Variants in KIAA0232 observed in about 807,000 individuals in gnomAD.
The protein encoded by KIAA0232 is KIAA0232, also known as uncharacterized protein KIAA0232.
Under a neutral mutation model 122.0 loss-of-function variants are expected in KIAA0232, and 27 were observed. The ratio of observed to expected loss-of-function variants is 0.22; its 90% CI spans 0.16 to 0.31. KIAA0232 has a LOEUF of 0.31. KIAA0232 is among the 10% of genes least tolerant of loss of function. The probability of loss-of-function intolerance (pLI) is 1.00; values close to 1 mark genes in which losing one functional copy is unlikely to be tolerated. For missense variants in KIAA0232, 1,551 were observed against 1,634.2 expected (o/e 0.95, Z 0.88); for synonymous variants, 613 against 587.6 (o/e 1.04, Z -0.63).
At chr4:6,870,776 TGGGTGACA>T (rs970427172) in intron 7 of KIAA0232, among the ~76,000 whole-genome samples, 2 of 149,074 alleles carry the variant, frequency 1.3e-5, no homozygotes, top group Admixed American at 6.7e-5. Flanking sequence ...CACTCCAGCC[TGGGTGACA>T]GAGTGAGACT....
rs1193722413 is a variant in KIAA0232 at position 6,880,753 on chromosome 4, C to A, written c.4009-34C>A. ...CTCACCCTTTTGGGGAAAAAAAAGTCTTTTTGATGTGTTGAAAATTGTTTT... is the reference window on the plus strand; with the variant it reads ...CTCACCCTTTTGGGGAAAAAAAAGTATTTTTGATGTGTTGAAAATTGTTTT... On this transcript the variant is annotated intron_variant, in intron 9 of 9. Transcript: ENST00000307659. 2.1e-6 allele frequency: 3 copies of A among 1,447,406 alleles called. No homozygotes were observed. The African/African-American group carries it at 4.3e-5, about 21-fold the overall frequency. 89.7% of individuals were successfully genotyped at this position (1,447,406 alleles called of 1,614,324 possible).
chr4:6,880,145 T>G (rs1194618817), intron 9 of KIAA0232, among the ~76,000 whole-genome samples: 1 of 44,842 alleles, frequency 2.2e-5, no homozygotes, highest in Admixed American at 1.6e-4. Context: ...CCTCACCATC[T>G]GTACTGTGTC....
chr4:6,810,653 T>G (rs1252603545), intron 2 of KIAA0232, among the ~76,000 whole-genome samples: 10 of 152,150 alleles, frequency 6.6e-5, no homozygotes, highest in Non-Finnish European at 8.8e-5. Flanking sequence ...GCCTGTAGAA[T>G]GAGAGAAAAT....
At position 6,880,940 on chromosome 4, in the gene KIAA0232, G is replaced by C; in HGVS notation, c.4162G>C (p.Glu1388Gln). The C allele has an allele frequency of 6.4e-7, 1 of 1,571,116 alleles. No homozygotes were observed. The highest frequency in any genetic ancestry group is 8.6e-7 in the Non-Finnish European group (1 of 1,157,904). The change falls in exon 10 of 10, where the codon GAG becomes CAG. Residue 1388 changes from glutamate to glutamine, a missense_variant. By Grantham distance (29) the Glu-to-Gln change is conservative. Coordinates refer to ENST00000307659, the MANE Select transcript of KIAA0232 (RefSeq NM_014743.3). Reference sequence around the variant, plus strand: ...CGAGTGGGTGGGCCCTAGTGAAGAGGAGCTCTTTTCTCGAACTCATCTCTA... The same window carrying C: ...CGAGTGGGTGGGCCCTAGTGAAGAGCAGCTCTTTTCTCGAACTCATCTCTA... ...GGEWVGPSEEELFSRTHL is the reference protein window; with the variant it reads ...GGEWVGPSEEQLFSRTHL
In KIAA0232 at chr4:6,862,155, G is replaced by C; in HGVS notation, c.1773G>C (p.Trp591Cys). ...ACCTTGGCAATCTGGCTCAGTTTTG[G>C]GAGTGCTGTTCATCCAGCTCCGGTG... ...LQDLGNLAQFWECCSSSSGDA... is the reference protein window; with the variant it reads ...LQDLGNLAQFCECCSSSSGDA... The change falls in exon 7 of 10, where the codon TGG (tryptophan) becomes TGC (cysteine). Residue 591 changes from tryptophan (W) to cysteine (C), a missense_variant. By Grantham distance (215) the Trp-to-Cys change is radical. Coordinates refer to ENST00000307659, the MANE Select transcript of KIAA0232 (RefSeq NM_014743.3). 1.2e-6 allele frequency: 2 copies of C among 1,614,122 alleles called. No individual in the cohort carries two copies. The highest frequency in any genetic ancestry group is 1.7e-6 in the Non-Finnish European group (2 of 1,180,016).
intron 4 of KIAA0232, among the ~76,000 whole-genome samples, chr4:6,854,861 T>C (rs1382320695): frequency 6.6e-6 from 1 of 152,206 alleles, no homozygotes; most frequent in East Asian, 1.9e-4. Flanking sequence ...TTGAATGGCC[T>C]TATGGATATG....
chr4:6,844,655 C>G (rs1301468212), intron 4 of KIAA0232, among the ~76,000 whole-genome samples: 1 of 152,048 alleles, frequency 6.6e-6, no homozygotes, highest in Non-Finnish European at 1.5e-5. Flanking sequence ...AGGCTGGTCT[C>G]AAACTCCTGA....
At chr4:6,819,739 C>T (rs1023001871) in intron 2 of KIAA0232, among the ~76,000 whole-genome samples, 1 of 152,152 alleles carries the variant, frequency 6.6e-6, no homozygotes, top group Non-Finnish European at 1.5e-5. Flanking sequence ...ACCCAGCAAT[C>T]CCATTACTAG....
At chr4:6,865,741 G>A (rs538654857) in intron 7 of KIAA0232, among the ~76,000 whole-genome samples, 44 of 152,276 alleles carry the variant, frequency 2.9e-4, no homozygotes, top group African/African-American at 7.9e-4. Context: ...CATACCATGA[G>A]ACTTATTTCA....
At chr4:6,830,656 C>A (rs1379471978) in intron 3 of KIAA0232, among the ~76,000 whole-genome samples, 1 of 152,110 alleles carries the variant, frequency 6.6e-6, no homozygotes, top group African/African-American at 2.4e-5. Flanking sequence ...ATCCACCCAC[C>A]TTGGCCTCCC....
At chr4:6,875,053 T>TG (rs1721679183) in intron 8 of KIAA0232, among the ~76,000 whole-genome samples, 1 of 151,990 alleles carries the variant, frequency 6.6e-6, no homozygotes, top group Admixed American at 6.5e-5. Context: ...CCATATGGAG[T>TG]GGGCCATGGA....
chr4:6,827,070 A>C (rs1718726740), intron 3 of KIAA0232, among the ~76,000 whole-genome samples: 1 of 152,230 alleles, frequency 6.6e-6, no homozygotes, highest in Non-Finnish European at 1.5e-5. Flanking sequence ...TGGAGTTACA[A>C]GGAGAATCCG....
At chr4:6,808,877 T>C (rs1717753249) in intron 2 of KIAA0232, among the ~76,000 whole-genome samples, 1 of 152,242 alleles carries the variant, frequency 6.6e-6, no homozygotes, top group African/African-American at 2.4e-5. Flanking sequence ...AGCATTCTAC[T>C]AAATGGTACA....
In KIAA0232 at chr4:6,862,955, A is replaced by T. The variant is rs1393950682; in HGVS notation, c.2573A>T (p.Tyr858Phe). ...AELFSADVNNYCCCLDAEAEL... is the reference protein window; with the variant it reads ...AELFSADVNNFCCCLDAEAEL... ...TTGTTTTCGGCAGATGTAAATAACT[A>T]CTGCTGCTGTCTAGATGCTGAAGCT... Residue 858 changes from tyrosine to phenylalanine, a missense_variant, in exon 7 of 10, where the codon TAC becomes TTC. Transcript: ENST00000307659. 6.2e-7 allele frequency: 1 copy of T among 1,614,238 alleles called. No homozygotes were observed. Among genetic ancestry groups the T allele is most frequent in the East Asian group, 2.2e-5 (1 of 44,894 alleles).
intron 3 of KIAA0232, among the ~76,000 whole-genome samples, chr4:6,841,351 C>T (rs114467415): frequency 0.026 from 4,017 of 152,266 alleles, 93 homozygotes; most frequent in Non-Finnish European, 0.038. Context: ...GTTAGCAAGG[C>T]GCTTTCATTA....
intron 2 of KIAA0232, among the ~76,000 whole-genome samples, chr4:6,814,434 CAT>C (rs1215977939): frequency 9.3e-5 from 14 of 151,284 alleles, no homozygotes; most frequent in Admixed American, 7.9e-4. Context: ...AAAAGGCTAA[CAT>C]ATTTTAAATA....
At chr4:6,836,836 C>A (rs1371956574) in intron 3 of KIAA0232, among the ~76,000 whole-genome samples, 1 of 151,782 alleles carries the variant, frequency 6.6e-6, no homozygotes, top group Non-Finnish European at 1.5e-5. Flanking sequence ...GTGGACACAG[C>A]ACATGTTTCA....
At chr4:6,809,937 A>G (rs933110373) in intron 2 of KIAA0232, among the ~76,000 whole-genome samples, 1 of 152,192 alleles carries the variant, frequency 6.6e-6, no homozygotes, top group African/African-American at 2.4e-5. Flanking sequence ...GTAGATGACA[A>G]ATAAATGGAA....
intron 2 of KIAA0232, among the ~76,000 whole-genome samples, chr4:6,807,149 C>T (rs1717666443): frequency 6.6e-6 from 1 of 152,082 alleles, no homozygotes; most frequent in Admixed American, 6.5e-5. Context: ...TTGTTCCTGC[C>T]TCAGCTTCTC....
Sources: allele counts gnomAD v4.1 joint callset (sites outside exome capture counted in the v4.1 genomes callset), GRCh38; gene constraint gnomAD v4.1.1; transcripts MANE v1.5; gene names NCBI Gene and HGNC (gene_info 2026-07-23, HGNC 2026-07-21).